Variants in SNTG2 observed in about 807,000 individuals in gnomAD.
SNTG2 encodes the protein syntrophin gamma 2.
In SNTG2, 74 loss-of-function variants were observed where a neutral mutation model predicts 70.9. The ratio of observed to expected loss-of-function variants is 1.04; its 90% CI spans 0.86 to 1.27. The LOEUF is 1.27. SNTG2 is among the 50% of genes most tolerant of loss of function. The probability of loss-of-function intolerance (pLI) is 0.00; values close to 1 mark genes in which losing one functional copy is unlikely to be tolerated. For synonymous variants in SNTG2, 278 were observed against 273.8 expected (o/e 1.02, Z -0.15); for missense variants, 717 against 690.7 (o/e 1.04, Z -0.43).
intron 1 of SNTG2, among the ~76,000 whole-genome samples, chr2:985,706 A>G (rs968652826): frequency 1.3e-5 from 2 of 152,136 alleles, no homozygotes; most frequent in African/African-American, 2.4e-5. Context: ...ACAAGTTGGT[A>G]AGTAACCCGT....
At chr2:1,189,654 G>A (rs950792408) in intron 8 of SNTG2, among the ~76,000 whole-genome samples, 1 of 151,928 alleles carries the variant, frequency 6.6e-6, no homozygotes, top group Non-Finnish European at 1.5e-5. Flanking sequence ...TGCCTCCCGG[G>A]TTCAAGTGAT....
intron 1 of SNTG2, among the ~76,000 whole-genome samples, chr2:1,043,102 T>C (rs577998916): frequency 3.3e-5 from 5 of 152,358 alleles, no homozygotes; most frequent in Admixed American, 3.3e-4. Context: ...GGTTTTGATT[T>C]GCATTTCTCT....
At chr2:1,294,075 T>G (rs980566236) in intron 14 of SNTG2, among the ~76,000 whole-genome samples, 14 of 152,168 alleles carry the variant, frequency 9.2e-5, no homozygotes, top group African/African-American at 3.4e-4. Context: ...CTCTCTTTTG[T>G]CTCCACCACT....
intron 1 of SNTG2, among the ~76,000 whole-genome samples, chr2:1,033,371 C>A (rs1471821467): frequency 6.6e-6 from 1 of 152,136 alleles, no homozygotes; most frequent in Non-Finnish European, 1.5e-5. Context: ...AGATCCAATT[C>A]TGACAGTTTT....
intron 16 of SNTG2, among the ~76,000 whole-genome samples, chr2:1,361,841 G>C (rs1358368213): frequency 0.023 from 2,693 of 115,242 alleles, 2 homozygotes; most frequent in East Asian, 0.041. Flanking sequence ...AGTCACGGAT[G>C]CTGAGCATTT....
intron 4 of SNTG2, among the ~76,000 whole-genome samples, chr2:1,125,610 AG>A (rs1667649620): frequency 6.6e-6 from 1 of 152,266 alleles, no homozygotes; most frequent in Admixed American, 6.5e-5. Flanking sequence ...ACAGAAGGAA[AG>A]CATACTTTAG....
intron 4 of SNTG2, among the ~76,000 whole-genome samples, chr2:1,114,123 A>G (rs566166323): frequency 2.0e-5 from 3 of 150,690 alleles, no homozygotes; most frequent in Non-Finnish European, 4.4e-5. Context: ...TTTGAGGAGG[A>G]TCGTGTGTAC....
chr2:1,262,667 AGTCCAGACGAGGCAACCGGAAGGCTCC>A (rs1204153967), intron 13 of SNTG2, among the ~76,000 whole-genome samples: 2,051 of 131,488 alleles, frequency 0.016, 155 homozygotes, highest in African/African-American at 0.052. Flanking sequence ...CGGAAGGCTC[AGTCCAGACGAGGCAACCGGAAGGCTCC>A]GTCCAGACGA....
intron 15 of SNTG2, among the ~76,000 whole-genome samples, chr2:1,312,528 C>T (rs1310499841): frequency 6.6e-6 from 1 of 152,248 alleles, no homozygotes; most frequent in Non-Finnish European, 1.5e-5. Flanking sequence ...CCTGAGTCCT[C>T]AGCCTCCACG....
intron 2 of SNTG2, among the ~76,000 whole-genome samples, chr2:1,091,981 T>G (rs1432652351): frequency 1.3e-5 from 2 of 152,110 alleles, no homozygotes; most frequent in Admixed American, 1.3e-4. Flanking sequence ...TGGAGAGAGA[T>G]TCAATGCCCC....
intron 14 of SNTG2, among the ~76,000 whole-genome samples, chr2:1,291,754 G>T (rs1421181174): frequency 6.6e-6 from 1 of 152,174 alleles, no homozygotes; most frequent in Non-Finnish European, 1.5e-5. Context: ...TAGCTTTGCA[G>T]TAAGTTTTGA....
chr2:1,229,142 C>A (rs905775538), intron 9 of SNTG2, among the ~76,000 whole-genome samples: 3 of 152,092 alleles, frequency 2.0e-5, no homozygotes, highest in Non-Finnish European at 2.9e-5. Context: ...GGAAGGGGAC[C>A]GGAGCGGGTT....
intron 1 of SNTG2, among the ~76,000 whole-genome samples, chr2:1,041,558 C>T (rs1390907902): frequency 2.6e-5 from 4 of 152,134 alleles, no homozygotes; most frequent in African/African-American, 4.8e-5. Context: ...ACCGATTCTT[C>T]GTGGCTTGGT....
At chr2:1,319,348 T>C (rs1681422672) in intron 16 of SNTG2, among the ~76,000 whole-genome samples, 4 of 152,190 alleles carry the variant, frequency 2.6e-5, no homozygotes, top group African/African-American at 9.7e-5. Flanking sequence ...TTTGTGGAAA[T>C]TTTTTATGAA....
chr2:1,069,960 G>C (rs960040657), intron 1 of SNTG2, among the ~76,000 whole-genome samples: 1 of 152,000 alleles, frequency 6.6e-6, no homozygotes, highest in Non-Finnish European at 1.5e-5. Flanking sequence ...CTGGACGCTC[G>C]TTCCCACAGC....
At chr2:1,081,662 G>T (rs1359733918) in intron 1 of SNTG2, among the ~76,000 whole-genome samples, 1 of 152,234 alleles carries the variant, frequency 6.6e-6, no homozygotes, top group Non-Finnish European at 1.5e-5. Context: ...CCCTTCCAGA[G>T]AGCTGGTGGA....
chr2:1,034,290 C>G (rs1661008926), intron 1 of SNTG2, among the ~76,000 whole-genome samples: 1 of 152,156 alleles, frequency 6.6e-6, no homozygotes, highest in Non-Finnish European at 1.5e-5. Context: ...TGATCTCATT[C>G]TTTTTTATGA....
intron 8 of SNTG2, among the ~76,000 whole-genome samples, chr2:1,176,940 G>C (rs953495432): frequency 6.6e-6 from 1 of 152,136 alleles, no homozygotes; most frequent in Non-Finnish European, 1.5e-5. Context: ...CAAAGGTCTA[G>C]AACCAGAAAT....
At chr2:1,020,544 C>T (rs1483753225) in intron 1 of SNTG2, among the ~76,000 whole-genome samples, 1 of 151,072 alleles carries the variant, frequency 6.6e-6, no homozygotes, top group Non-Finnish European at 1.5e-5. Flanking sequence ...CTCATTCCTG[C>T]ACTTCTCCAA....
Sources: allele counts gnomAD v4.1 joint callset (sites outside exome capture counted in the v4.1 genomes callset), GRCh38; gene constraint gnomAD v4.1.1; transcripts MANE v1.5; gene names NCBI Gene and HGNC (gene_info 2026-07-23, HGNC 2026-07-21).